The following LRFN5 variants were observed in gnomAD, a reference collection of about 807,000 sequenced individuals.
LRFN5 encodes leucine-rich repeat and fibronectin type-III domain-containing protein 5.
In LRFN5, 24 loss-of-function variants were observed where a neutral mutation model predicts 45.6. The ratio of observed to expected loss-of-function variants is 0.53; its 90% CI spans 0.38 to 0.74. LRFN5 has a LOEUF of 0.74. Ranked by LOEUF, LRFN5 falls within the 30% of genes least tolerant of loss-of-function variation. The pLI, the probability that LRFN5 is intolerant of heterozygous loss-of-function variation, is 0.00. For missense variants in LRFN5, 776 were observed against 861.5 expected, an observed-to-expected ratio of 0.90 and a Z score of 1.24; for synonymous variants, 340 against 313.8, an observed-to-expected ratio of 1.08 and a Z score of -0.88.
chr14:41,763,440 T>C (rs948249786), intron 1 of LRFN5, among the ~76,000 whole-genome samples: 12 of 152,208 alleles, frequency 7.9e-5, no homozygotes, highest in African/African-American at 2.4e-4. Flanking sequence ...TAATAACTTC[T>C]AGAGCTTTGC....
chr14:41,668,894 T>C lies in LRFN5; in HGVS notation c.-197+60332T>C, dbSNP rs532263232. On this transcript the variant is annotated intron_variant, in intron 1 of 5. Coordinates refer to ENST00000298119, the MANE Select transcript of LRFN5 (RefSeq NM_152447.5). ...TTGAACGTAGCTCTGACTTTTATTC[T>C]TCTAAAAATTCGATTTATATATAAA... 3.9e-5 allele frequency among the ~76,000 whole-genome samples: 6 copies of C among 152,224 alleles called. No individual in the cohort carries two copies. The South Asian group carries it at 8.3e-4, about 21-fold the overall frequency.
At chr14:41,758,123 C>G (rs952440994) in intron 1 of LRFN5, among the ~76,000 whole-genome samples, 1 of 152,094 alleles carries the variant, frequency 6.6e-6, no homozygotes, top group South Asian at 2.1e-4. Context: ...GCTAAAATTT[C>G]CAAGGTTTTT....
At chr14:41,761,345 G>A (rs1178106816) in intron 1 of LRFN5, among the ~76,000 whole-genome samples, 1 of 151,560 alleles carries the variant, frequency 6.6e-6, no homozygotes, top group Non-Finnish European at 1.5e-5. Context: ...AAAGAAAGAA[G>A]GGAGAAGGGA....
intron 1 of LRFN5, among the ~76,000 whole-genome samples, chr14:41,724,022 T>G (rs999648653): frequency 6.6e-5 from 10 of 152,172 alleles, no homozygotes; most frequent in Admixed American, 6.5e-5. Flanking sequence ...AACAAAATGT[T>G]CTCCCTTGGC....
chr14:41,725,035 T>C (rs1454751249), intron 1 of LRFN5, among the ~76,000 whole-genome samples: 1 of 152,210 alleles, frequency 6.6e-6, no homozygotes. Flanking sequence ...CACTAGGATA[T>C]TTTGCCTTGG....
At chr14:41,802,432 C>T (rs1245234677) in intron 2 of LRFN5, among the ~76,000 whole-genome samples, 1 of 152,098 alleles carries the variant, frequency 6.6e-6, no homozygotes, top group Non-Finnish European at 1.5e-5. Context: ...GGAATTCCAT[C>T]AGGTATGAGG....
At chr14:41,750,598 T>TA (rs1342743655) in intron 1 of LRFN5, among the ~76,000 whole-genome samples, 2 of 152,158 alleles carry the variant, frequency 1.3e-5, no homozygotes, top group Admixed American at 1.3e-4. Context: ...AGTTACCACT[T>TA]ACGCAAAATT....
intron 4 of LRFN5, among the ~76,000 whole-genome samples, chr14:41,897,451 C>T (rs1014481797): frequency 6.6e-6 from 1 of 151,848 alleles, no homozygotes; most frequent in Non-Finnish European, 1.5e-5. Flanking sequence ...ACATCACATA[C>T]ATTTGTATAA....
intron 2 of LRFN5, among the ~76,000 whole-genome samples, chr14:41,853,371 AAT>A (rs948168237): frequency 1.4e-4 from 21 of 151,972 alleles, no homozygotes; most frequent in Non-Finnish European, 4.4e-5. Context: ...AGCAAAAGGT[AAT>A]AGAGTCTTGG....
chr14:41,741,521 G>C (rs1193244880), intron 1 of LRFN5, among the ~76,000 whole-genome samples: 1 of 151,674 alleles, frequency 6.6e-6, no homozygotes, highest in African/African-American at 2.4e-5. Flanking sequence ...GGATCTTTCT[G>C]ACACACCATA....
chr14:41,799,382 G>A (rs1218991472), intron 2 of LRFN5, among the ~76,000 whole-genome samples: 3 of 151,948 alleles, frequency 2.0e-5, no homozygotes, highest in African/African-American at 7.2e-5. Flanking sequence ...TGTGTATTGA[G>A]GGGGATCACT....
intron 4 of LRFN5, among the ~76,000 whole-genome samples, chr14:41,897,204 G>A (rs1890969984): frequency 1.3e-5 from 2 of 151,722 alleles, no homozygotes; most frequent in Admixed American, 1.3e-4. Flanking sequence ...ATCTTGAAGA[G>A]GGATATAGAA....
intron 2 of LRFN5, among the ~76,000 whole-genome samples, chr14:41,874,779 TTTAA>T (rs1790048311): frequency 6.6e-6 from 1 of 152,016 alleles, no homozygotes; most frequent in Non-Finnish European, 1.5e-5. Context: ...AGAAAAGAGG[TTTAA>T]TTGACTCACA....
intron 1 of LRFN5, among the ~76,000 whole-genome samples, chr14:41,668,276 A>G (rs753593018): frequency 1.3e-5 from 2 of 152,130 alleles, no homozygotes; most frequent in Non-Finnish European, 2.9e-5. Flanking sequence ...TCACAAAATA[A>G]GCCTCTTTTA....
intron 2 of LRFN5, among the ~76,000 whole-genome samples, chr14:41,829,694 TTG>T (rs1316874161): frequency 6.7e-6 from 1 of 148,440 alleles, no homozygotes; most frequent in Non-Finnish European, 1.5e-5. Context: ...TATTATATAT[TTG>T]TGTGTGTGCT....
chr14:41,793,946 C>T (rs77845772), intron 2 of LRFN5, among the ~76,000 whole-genome samples: 51 of 152,146 alleles, frequency 3.4e-4, no homozygotes, highest in African/African-American at 1.1e-3. Flanking sequence ...TCGTTATATT[C>T]CTTTGCCACA....
rs1053981848 is a variant in LRFN5, at chr14:41,711,011, A to G, written c.-196-55843A>G. ...GATGCATTTTTCATCTGACTTGCAT[A>G]TTTAGATAATCAATAATTTGATGAC... is the stretch of plus-strand genomic sequence containing the variant. On this transcript the variant is annotated intron_variant, in intron 1 of 5. Transcript: ENST00000298119. Among the ~76,000 whole-genome samples, 3 of 149,220 alleles carry G rather than the reference A, an allele frequency of 2.0e-5. No homozygotes were observed. In the Admixed American group the frequency reaches 2.0e-4, roughly 10 times the overall value.
chr14:41,887,124 G>A lies in LRFN5; in HGVS notation c.499G>A (p.Val167Ile), dbSNP rs1251897481. The change falls in exon 3 of 6, where the codon GTT becomes ATT. Residue 167 changes from valine to isoleucine, a missense_variant. Physicochemically the swap from Val to Ile is conservative, Grantham distance 29 (BLOSUM62 3). Coordinates refer to ENST00000298119, the MANE Select transcript of LRFN5 (RefSeq NM_152447.5). This position sits in a 1 kb window ranked among gnomAD's most constrained non-coding sequence, Gnocchi z 4.8. ...TCTAGAAACCATTCCTTGGGATGCTGTTGAGAAGATGGTTAGCTTGCATAC... is the reference window on the plus strand; with the variant it reads ...TCTAGAAACCATTCCTTGGGATGCTATTGAGAAGATGGTTAGCTTGCATAC... Reference protein sequence around the residue: ...NNLETIPWDAVEKMVSLHTLS... With the variant: ...NNLETIPWDAIEKMVSLHTLS... The A allele has an allele frequency of 2.5e-6, 4 of 1,613,904 alleles. No homozygotes were observed. The highest frequency in any genetic ancestry group is 3.4e-6 in the Non-Finnish European group (4 of 1,180,040).
chr14:41,797,273 T>G (rs1244592040), intron 2 of LRFN5, among the ~76,000 whole-genome samples: 1 of 151,838 alleles, frequency 6.6e-6, no homozygotes, highest in East Asian at 1.9e-4. Context: ...TGTTAATTTT[T>G]CTGAATACTA....
Sources: allele counts gnomAD v4.1 joint callset (sites outside exome capture counted in the v4.1 genomes callset), GRCh38; gene constraint gnomAD v4.1.1; non-coding constraint Gnocchi (gnomAD v3.1); transcripts MANE v1.5; gene names NCBI Gene and HGNC (gene_info 2026-07-23, HGNC 2026-07-21).